Variants in IRX4 observed in about 807,000 individuals in gnomAD.
IRX4 encodes the protein iroquois-class homeodomain protein IRX-4.
IRX4 carries 22 observed loss-of-function variants against 32.0 expected under a neutral mutation model. That is an observed-to-expected ratio of 0.69 (90% CI 0.49 to 0.98). IRX4 has a LOEUF of 0.98. Ranked by LOEUF, IRX4 falls within the 50% of genes least tolerant of loss-of-function variation. The pLI, the probability that IRX4 is intolerant of heterozygous loss-of-function variation, is 0.00. For synonymous variants in IRX4, 379 were observed against 351.7 expected, an observed-to-expected ratio of 1.08 and a Z score of -0.87; for missense variants, 840 against 744.2, an observed-to-expected ratio of 1.13 and a Z score of -1.50.
chr5:1,880,774 C>T lies in IRX4; in HGVS notation c.358G>A (p.Ala120Thr). ...GCTGGCTCGTAAGGGTAGTAGGCGG[C>T]AGCGGCTGGTGCCAGGCCCCCATGC... ...SAHGGLAPAAAAYYPYEPALG... is the reference protein window; with the variant it reads ...SAHGGLAPAATAYYPYEPALG... Residue 120 changes from alanine to threonine, a missense_variant, in exon 3 of 5, where the codon GCC becomes ACC. Ala to Thr is a moderately conservative substitution (Grantham distance 58). This residue lies in a region of IRX4 where 241 missense variants were observed against 220.8 expected (regional missense o/e 1.09). Transcript: ENST00000231357. 1 of 1,613,742 alleles carries T rather than the reference C, an allele frequency of 6.2e-7. No homozygotes were observed. Among genetic ancestry groups the T allele is most frequent in the South Asian group, 1.1e-5 (1 of 91,070 alleles).
intron 1 of IRX4, 100 bp downstream of exon 1, chr5:1,882,503 C>A: frequency 9.5e-7 from 1 of 1,051,094 alleles, no homozygotes; most frequent in East Asian, 2.9e-5. Context: ...AGCTCGGAAG[C>A]CGCAGGCAGT....
rs2111451553 is a variant in IRX4, at chr5:1,882,821, TGAGCAGC to T, written c.-181_-175del. On this transcript the variant is annotated 5_prime_UTR_variant, in exon 1 of 5. The change creates a premature stop within an existing upstream ORF in the 5' untranslated region. Coordinates refer to ENST00000231357, the MANE Select transcript of IRX4 (RefSeq NM_016358.3). ...AAACTTTTCTAACCGGGTAACAAAG[TGAGCAGC>T]GGTGGCCGCCGCGATTCCTTTAACT... 2.4e-6 allele frequency: 1 copy of T among 411,428 alleles called. No individual in the cohort carries two copies. The highest frequency in any genetic ancestry group is 2.1e-5 in the African/African-American group (1 of 48,372). The allele number at this position is 411,428 out of a possible 1,614,324, so 25.5% of individuals were successfully genotyped here.
In IRX4 at chr5:1,882,817, A is replaced by T. The variant is rs1422870679; in HGVS notation, c.-170T>A. 43 of 417,324 alleles carry T rather than the reference A, an allele frequency of 1.0e-4. No individual in the cohort carries two copies. Among genetic ancestry groups the T allele is most frequent in the Non-Finnish European group, 4.3e-6 (1 of 233,092 alleles). 25.9% of individuals were successfully genotyped at this position (417,324 alleles called of 1,614,324 possible). The stretch of plus-strand genomic sequence containing the variant: ...CCGCAAACTTTTCTAACCGGGTAAC[A>T]AAGTGAGCAGCGGTGGCCGCCGCGA... On this transcript the variant is annotated 5_prime_UTR_variant, in exon 1 of 5. Coordinates refer to ENST00000231357, the MANE Select transcript of IRX4 (RefSeq NM_016358.3).
chr5:1,886,639 T>A (rs1735640212), upstream of IRX4, among the ~76,000 whole-genome samples: 1 of 151,896 alleles, frequency 6.6e-6, no homozygotes, highest in African/African-American at 2.4e-5. Flanking sequence ...GCTCCCTGGG[T>A]ACGGCCTGAG....
At position 1,882,043 on chromosome 5, in the gene IRX4, T is replaced by C; in HGVS notation, c.62A>G (p.Asn21Ser). The C allele has an allele frequency of 6.4e-7, 1 of 1,552,782 alleles. No homozygotes were observed. The highest frequency in any genetic ancestry group is 2.4e-5 in the East Asian group (1 of 41,240). The change falls in exon 2 of 5, where the codon AAC becomes AGC. Residue 21 changes from asparagine to serine, a missense_variant. Physicochemically the swap from Asn to Ser is conservative, Grantham distance 46. Transcript: ENST00000231357. ...GGACTCGCAGCACGTGCTCAGGGAG[T>C]TGGTGGCCATCAAGAACTGCAGAGA... ...SSAPQFLMAT[N>S]SLSTCCESGG...
chr5:1,882,109 G>A (rs1311602059), intron 1 of IRX4, 50 bp from the exon 2 acceptor site: 2 of 1,517,232 alleles, frequency 1.3e-6, no homozygotes, highest in Non-Finnish European at 1.8e-6. Context: ...TGGAGGCTGG[G>A]GCCCTGGGCC....
chr5:1,883,346 C>G (rs1735520987), upstream of IRX4, among the ~76,000 whole-genome samples: 1 of 152,224 alleles, frequency 6.6e-6, no homozygotes, highest in Admixed American at 6.5e-5. Flanking sequence ...GCTGCGCAGG[C>G]GGCCGGCCCG....
Position 1,880,655 on chromosome 5 carries a change from A to G in IRX4, c.407+70T>C. On this transcript the variant is annotated intron_variant, in intron 3 of 4. Coordinates refer to ENST00000231357, the MANE Select transcript of IRX4 (RefSeq NM_016358.3). ...TTCCAGAAAGGGGGCATGATGGTGG[A>G]GGGGAGTTGGTGGCTGACAGTGCAG... The G allele has an allele frequency of 4.0e-6, 4 of 992,924 alleles. No individual in the cohort carries two copies. In the South Asian group the frequency reaches 5.2e-5, roughly 13 times the overall value. The allele number at this position is 992,924 out of a possible 1,614,324, so 61.5% of individuals were successfully genotyped here.
At position 1,878,443 on chromosome 5, in the gene IRX4, C is replaced by A; in HGVS notation, c.1086G>T (p.Leu362=). ...GFVPAGASAG[L]EAKPRIWSLA... ...GGGACCAGATGCGCGGCTTAGCCTC[C>A]AGGCCTGCCGACGCCCCCGCCGGCA... Residue 362 remains leucine, a synonymous_variant, in exon 5 of 5, where the codon CTG becomes CTT. Transcript: ENST00000231357. 6.8e-7 allele frequency: 1 copy of A among 1,477,670 alleles called. No homozygotes were observed. The allele number at this position is 1,477,670 out of a possible 1,614,324, so 91.5% of individuals were successfully genotyped here. A position where few individuals can be genotyped will look rare whatever the true frequency, so the allele number is the denominator to read the frequency against.
At position 1,880,932 on chromosome 5, in the gene IRX4, A is replaced by G. The variant is rs1221905406; in HGVS notation, c.298-98T>C. The G allele has an allele frequency of 4.3e-6, 4 of 932,804 alleles. No homozygotes were observed. In the African/African-American group the frequency reaches 6.5e-5, roughly 15 times the overall value. The allele number at this position is 932,804 out of a possible 1,614,324, so 57.8% of individuals were successfully genotyped here. A position where few individuals can be genotyped will look rare whatever the true frequency, so the allele number is the denominator to read the frequency against. On this transcript the variant is annotated intron_variant, in intron 2 of 4. Coordinates refer to ENST00000231357, the MANE Select transcript of IRX4 (RefSeq NM_016358.3). ...CCCCACTCCCAAAGGCTTGGCAAGG[A>G]TTCCTGGGCAGCCCTACGCCCCGGC...
intron 4 of IRX4, 88 bp from the exon 5 acceptor site, chr5:1,878,880 TC>T: frequency 7.2e-7 from 1 of 1,397,094 alleles, no homozygotes; most frequent in Non-Finnish European, 1.0e-6. Flanking sequence ...TGAGGCCTGT[TC>T]CCGACGCTAC....
rs573258534 is a variant in IRX4 at position 1,878,674 on chromosome 5, A to G, written c.855T>C (p.Gly285=). The G allele has an allele frequency of 6.3e-7, 1 of 1,591,632 alleles. No homozygotes were observed. Among genetic ancestry groups the G allele is most frequent in the South Asian group, 1.1e-5 (1 of 89,022 alleles). Residue 285 remains glycine (G), a synonymous_variant, in exon 5 of 5, where the codon GGT becomes GGC. Transcript: ENST00000231357. ...LKPPFHSLDG[G]LERVPAAPDG... is the part of the protein sequence containing the mutation. Reference sequence around the variant, plus strand: ...CGGGCGCGGCGGGGACGCGCTCCAGACCGCCGTCCAGGGAGTGGAAGGGCG... The same window carrying G: ...CGGGCGCGGCGGGGACGCGCTCCAGGCCGCCGTCCAGGGAGTGGAAGGGCG...
chr5:1,883,438 T>A (rs1259213670), upstream of IRX4, among the ~76,000 whole-genome samples: 1 of 151,968 alleles, frequency 6.6e-6, no homozygotes, highest in Non-Finnish European at 1.5e-5. Context: ...TATTGTTTAA[T>A]CGAGAATCAG....
rs1367871107 is a variant in IRX4, at chr5:1,882,876, G to T, written c.-229C>A. 1 of 394,160 alleles carries T rather than the reference G, an allele frequency of 2.5e-6. No individual in the cohort carries two copies. The highest frequency in any genetic ancestry group is 4.5e-6 in the Non-Finnish European group (1 of 222,964). 24.4% of individuals were successfully genotyped at this position (394,160 alleles called of 1,614,324 possible). On this transcript the variant is annotated 5_prime_UTR_variant, in exon 1 of 5. Transcript: ENST00000231357. Reference sequence around the variant, plus strand: ...ACTTCGCATTCCGGAGGCTCGAGGGGGCTCTGGGACCGAGCGGCCTCGCAG... The same window carrying T: ...ACTTCGCATTCCGGAGGCTCGAGGGTGCTCTGGGACCGAGCGGCCTCGCAG...
Position 1,878,300 on chromosome 5 carries a change from G to A in IRX4, c.1229C>T (p.Pro410Leu). ...AAGGGCCACAGACGGGGACGTGGCGGGCGCGGAGGACACAGCCGCAGGGGC... is the reference window on the plus strand; with the variant it reads ...AAGGGCCACAGACGGGGACGTGGCGAGCGCGGAGGACACAGCCGCAGGGGC... ...PAAPAAVSSA[P>L]ATSPSVALPH... The change falls in exon 5 of 5, where the codon CCC becomes CTC. Residue 410 changes from proline to leucine, a missense_variant. By Grantham distance (98) the Pro-to-Leu change is moderately conservative. Coordinates refer to ENST00000231357, the MANE Select transcript of IRX4 (RefSeq NM_016358.3). 6.3e-7 allele frequency: 1 copy of A among 1,581,846 alleles called. No individual in the cohort carries two copies. The highest frequency in any genetic ancestry group is 8.6e-7 in the Non-Finnish European group (1 of 1,164,832).
chr5:1,877,843 GC>G lies in IRX4; in HGVS notation c.*125del, dbSNP rs755623982. ...TGTTCCCAGGAGTCCAAGTTCAGAA[GC>G]CCCCTCTCCGGTGGGTTGGCGGCTT... On this transcript the variant is annotated 3_prime_UTR_variant, in exon 5 of 5. Coordinates refer to ENST00000231357, the MANE Select transcript of IRX4 (RefSeq NM_016358.3). 1,373 of 866,350 alleles carry G rather than the reference GC, an allele frequency of 1.6e-3. 5 individuals carry two copies. Among genetic ancestry groups the G allele is most frequent in the Non-Finnish European group, 2.1e-3 (1,253 of 583,820 alleles). 53.7% of individuals were successfully genotyped at this position (866,350 alleles called of 1,614,324 possible). A position where few individuals can be genotyped will look rare whatever the true frequency, so the allele number is the denominator to read the frequency against.
chr5:1,877,874 G>A lies in IRX4; in HGVS notation c.*95C>T, dbSNP rs1427415269. On this transcript the variant is annotated 3_prime_UTR_variant, in exon 5 of 5. Coordinates refer to ENST00000231357, the MANE Select transcript of IRX4 (RefSeq NM_016358.3). Reference sequence around the variant, plus strand: ...TCTCCGGTGGGTTGGCGGCTTCGCGGTGGCCGCGCTAGTCTTCCTCTGGAA... The same window carrying A: ...TCTCCGGTGGGTTGGCGGCTTCGCGATGGCCGCGCTAGTCTTCCTCTGGAA... 6 of 1,197,094 alleles carry A rather than the reference G, an allele frequency of 5.0e-6. No individual in the cohort carries two copies. The highest frequency in any genetic ancestry group is 5.8e-6 in the Non-Finnish European group (5 of 866,930). 74.2% of individuals were successfully genotyped at this position (1,197,094 alleles called of 1,614,324 possible). A position where few individuals can be genotyped will look rare whatever the true frequency, so the allele number is the denominator to read the frequency against.
rs377406298 is a variant in IRX4 at position 1,879,529 on chromosome 5, C to A, written c.711G>T (p.Glu237Asp). ...CTGCGTTCTTGGAGCTCTTGAGGGG[C>A]TCCTCCCGCGCCTCCTCCTCGCCCC... ...EEGGEEEARE[E>D]PLKSSKNAEP... The change falls in exon 4 of 5, where the codon GAG (glutamate) becomes GAT (aspartate). Residue 237 changes from glutamate (E) to aspartate (D), a missense_variant. Glu to Asp is a conservative substitution (Grantham distance 45). This residue lies in a region of IRX4 where 585 missense variants were observed against 488.0 expected (regional missense o/e 1.20). Coordinates refer to ENST00000231357, the MANE Select transcript of IRX4 (RefSeq NM_016358.3). The A allele has an allele frequency of 6.2e-7, 1 of 1,613,320 alleles. No homozygotes were observed. Among genetic ancestry groups the A allele is most frequent in the Non-Finnish European group, 8.5e-7 (1 of 1,180,024 alleles).
At position 1,879,652 on chromosome 5, in the gene IRX4, C is replaced by T. The variant is rs764007907; in HGVS notation, c.588G>A (p.Ala196=). Residue 196 remains alanine, a synonymous_variant, in exon 4 of 5, where the codon GCG becomes GCA. Transcript: ENST00000231357. The stretch of plus-strand genomic sequence containing the variant: ...TGTTCTCCTTCTTGAGGCGCCGGCG[C>T]GCGTTGGCGAACCAGGTGGAGACCT... ...LTQVSTWFAN[A]RRRLKKENKM... is the part of the protein sequence containing the mutation. 4 of 1,614,044 alleles carry T rather than the reference C, an allele frequency of 2.5e-6. No individual in the cohort carries two copies. The African/African-American group carries it at 5.3e-5, about 22-fold the overall frequency.
Sources: allele counts gnomAD v4.1 joint callset (sites outside exome capture counted in the v4.1 genomes callset), GRCh38; gene constraint gnomAD v4.1.1; regional missense constraint gnomAD v4.1.1; transcripts MANE v1.5; gene names NCBI Gene and HGNC (gene_info 2026-07-23, HGNC 2026-07-21).